The following NFATC1 variants were observed in gnomAD, a reference collection of about 807,000 sequenced individuals.
NFATC1 encodes the protein nuclear factor of activated T-cells, cytoplasmic 1.
Under a neutral mutation model 76.0 loss-of-function variants are expected in NFATC1, and 22 were observed. That is an observed-to-expected ratio of 0.29 (90% CI 0.21 to 0.41). The LOEUF is 0.41. NFATC1 is among the 10% of genes least tolerant of loss of function. The probability of loss-of-function intolerance (pLI) is 1.00; values close to 1 mark genes in which losing one functional copy is unlikely to be tolerated. For missense variants in NFATC1, 1,357 were observed against 1,337.7 expected, an observed-to-expected ratio of 1.01 and a Z score of -0.23; for synonymous variants, 704 against 613.1, an observed-to-expected ratio of 1.15 and a Z score of -2.19.
chr18:79,526,163 A>G (rs1244963340), intron 9 of NFATC1, among the ~76,000 whole-genome samples: 1 of 152,008 alleles, frequency 6.6e-6, no homozygotes, highest in African/African-American at 2.4e-5. Context: ...TGCCGTGCGC[A>G]CTCTGGGACA....
At chr18:79,505,908 G>A (rs535215166) in intron 9 of NFATC1, among the ~76,000 whole-genome samples, 84 of 152,100 alleles carry the variant, frequency 5.5e-4, no homozygotes, top group African/African-American at 1.9e-3. Flanking sequence ...GCAGGAGACC[G>A]CTTTGTGGGA....
chr18:79,461,387 T>G, intron 7 of NFATC1, 21 bp downstream of exon 7: 1 of 1,613,912 alleles, frequency 6.2e-7, no homozygotes, highest in African/African-American at 1.3e-5. Context: ...TTGGCGCAGC[T>G]GGAGCTACTG....
In NFATC1 at chr18:79,402,090, G is replaced by T. The variant is rs565717809; in HGVS notation, c.127+5739G>T. Among the ~76,000 whole-genome samples the T allele has an allele frequency of 3.9e-5, 6 of 152,360 alleles. No individual in the cohort carries two copies. The South Asian group carries it at 1.0e-3, about 26-fold the overall frequency. On this transcript the variant is annotated intron_variant, in intron 1 of 9. Transcript: ENST00000427363. The stretch of plus-strand genomic sequence containing the variant: ...TTGGCACGTGGTCAGCGCACCCCCA[G>T]TGACAAGGGCCACTTCCGTGCCTCC...
chr18:79,451,606 G>T (rs548193423), intron 5 of NFATC1, 70 bp from the exon 6 acceptor site: 2 of 1,420,878 alleles, frequency 1.4e-6, no homozygotes, highest in East Asian at 5.3e-5. Flanking sequence ...GTGACCTGCT[G>T]GGTGCCACAC....
At position 79,396,180 on chromosome 18, in the gene NFATC1, C is replaced by G. The variant is rs559686778; in HGVS notation, c.-45C>G. The G allele has an allele frequency of 7.0e-7, 1 of 1,429,656 alleles. No homozygotes were observed. The highest frequency in any genetic ancestry group is 1.5e-5 in the African/African-American group (1 of 66,720). 88.6% of individuals were successfully genotyped at this position (1,429,656 alleles called of 1,614,324 possible). On this transcript the variant is annotated 5_prime_UTR_variant, in exon 1 of 10. Coordinates refer to ENST00000427363, the MANE Select transcript of NFATC1 (RefSeq NM_001278669.2). ...CCGGCAGCGCGGGGCGGCCGCTTCT[C>G]CTGTGCCTCCGCCCGCCGCTCCACT...
intron 9 of NFATC1, among the ~76,000 whole-genome samples, chr18:79,508,763 C>T (rs994062299): frequency 6.6e-6 from 1 of 151,514 alleles, no homozygotes; most frequent in Admixed American, 6.7e-5. Context: ...CCCTCCCTTC[C>T]TCGCTCTGTT....
intron 9 of NFATC1, among the ~76,000 whole-genome samples, chr18:79,488,967 T>C (rs530254117): frequency 6.6e-6 from 1 of 151,724 alleles, no homozygotes; most frequent in Non-Finnish European, 1.5e-5. Flanking sequence ...TTGGGGTGGG[T>C]GAGCAGCGGC....
intron 3 of NFATC1, 186 bp from the exon 4 acceptor site, chr18:79,448,596 T>C (rs2087318098): frequency 4.8e-6 from 3 of 624,012 alleles, no homozygotes; most frequent in South Asian, 2.0e-5. Context: ...CCCAGGTCCA[T>C]TGGGATAACA....
At chr18:79,397,330 C>G (rs1228308761) in intron 1 of NFATC1, among the ~76,000 whole-genome samples, 5 of 152,258 alleles carry the variant, frequency 3.3e-5, no homozygotes, top group African/African-American at 7.2e-5. Flanking sequence ...CGCCAGCACA[C>G]CTGCCAACAT....
chr18:79,523,450 C>A (rs2090667786), intron 9 of NFATC1, among the ~76,000 whole-genome samples: 1 of 152,210 alleles, frequency 6.6e-6, no homozygotes, highest in South Asian at 2.1e-4. Flanking sequence ...AAAGAAGAAA[C>A]TGGTTATGTG....
Position 79,486,849 on chromosome 18 carries a change from G to T in NFATC1, c.2694G>T (p.Val898=), listed in dbSNP as rs769152909. ...PTAGPRLLPE[V]HEDGSPNLAP... is the part of the protein sequence containing the mutation. ...CCGGGCCACGGCTGCTGCCAGAGGT[G>T]CATGAGGACGGTAGTCCTAATTTGG... The change falls in exon 9 of 10, where the codon GTG becomes GTT. Residue 898 remains valine (V), a synonymous_variant. Coordinates refer to ENST00000427363, the MANE Select transcript of NFATC1 (RefSeq NM_001278669.2). 6.2e-7 allele frequency: 1 copy of T among 1,611,980 alleles called. No individual in the cohort carries two copies. The highest frequency in any genetic ancestry group is 2.2e-5 in the East Asian group (1 of 44,844).
At chr18:79,401,961 C>T (rs2148139968) in intron 1 of NFATC1, among the ~76,000 whole-genome samples, 1 of 152,316 alleles carries the variant, frequency 6.6e-6, no homozygotes, top group South Asian at 2.1e-4. Flanking sequence ...CACTGCTTTG[C>T]CTCCTTGAAG....
chr18:79,503,256 TCGCAGGTTCAG>T, intron 9 of NFATC1, among the ~76,000 whole-genome samples: 1 of 152,084 alleles, frequency 6.6e-6, no homozygotes, highest in East Asian at 1.9e-4. Flanking sequence ...CTCAGAGACG[TCGCAGGTTCAG>T]CCTCAGACCA....
intron 2 of NFATC1, among the ~76,000 whole-genome samples, chr18:79,433,278 A>G (rs978352290): frequency 1.2e-4 from 18 of 152,332 alleles, no homozygotes; most frequent in African/African-American, 3.6e-4. Flanking sequence ...CAGATTTTCA[A>G]TGAGTTCTAA....
Position 79,410,541 on chromosome 18 carries a change from A to G in NFATC1, c.266A>G (p.Tyr89Cys), listed in dbSNP as rs1448706208. The G allele has an allele frequency of 6.2e-7, 1 of 1,611,764 alleles. No homozygotes were observed. Residue 89 changes from tyrosine to cysteine, a missense_variant, in exon 2 of 10, where the codon TAC (tyrosine) becomes TGC (cysteine). By Grantham distance (194) the Tyr-to-Cys change is radical. Transcript: ENST00000427363. This position sits in a 1 kb window ranked among gnomAD's most constrained non-coding sequence, Gnocchi z 6.7. Reference sequence around the variant, plus strand: ...CCGCCGGCGGATCACCCCTCGGGGTACGGAGCAGCTTTGGACGGTGGGCCC... The same window carrying G: ...CCGCCGGCGGATCACCCCTCGGGGTGCGGAGCAGCTTTGGACGGTGGGCCC... ...IIPPADHPSGYGAALDGGPAG... is the reference protein window; with the variant it reads ...IIPPADHPSGCGAALDGGPAG...
chr18:79,450,089 C>T (rs2087396777), intron 4 of NFATC1, among the ~76,000 whole-genome samples: 1 of 152,162 alleles, frequency 6.6e-6, no homozygotes, highest in Middle Eastern at 3.2e-3. Context: ...GCTGCGTTCA[C>T]CCCACCATGA....
chr18:79,453,102 G>C (rs571800679), intron 6 of NFATC1, among the ~76,000 whole-genome samples: 4 of 152,212 alleles, frequency 2.6e-5, no homozygotes, highest in African/African-American at 9.7e-5. Context: ...TGCATTGCCC[G>C]TGCCTTCTCG....
chr18:79,409,942 C>T (rs2085601703), intron 1 of NFATC1: 3 of 487,830 alleles, frequency 6.1e-6, no homozygotes, highest in South Asian at 4.5e-5. Context: ...GGATGGCCCA[C>T]GTGTTGAGTT....
intron 7 of NFATC1, among the ~76,000 whole-genome samples, chr18:79,464,829 G>A (rs908241265): frequency 4.1e-4 from 61 of 150,298 alleles, no homozygotes; most frequent in African/African-American, 1.3e-3. Flanking sequence ...CCTCAGCCTC[G>A]CCAGTAGCTG....
Sources: allele counts gnomAD v4.1 joint callset (sites outside exome capture counted in the v4.1 genomes callset), GRCh38; gene constraint gnomAD v4.1.1; non-coding constraint Gnocchi (gnomAD v3.1); transcripts MANE v1.5; gene names NCBI Gene and HGNC (gene_info 2026-07-23, HGNC 2026-07-21).